The following PLCXD3 variants were observed in gnomAD, a reference collection of about 807,000 sequenced individuals.
The protein encoded by PLCXD3 is PI-PLC X domain-containing protein 3.
Under a neutral mutation model 25.5 loss-of-function variants are expected in PLCXD3, and 19 were observed. The ratio of observed to expected loss-of-function variants is 0.75; its 90% CI spans 0.52 to 1.09. PLCXD3 has a LOEUF of 1.09. Ranked by LOEUF, PLCXD3 falls within the 50% of genes least tolerant of loss-of-function variation. The probability of loss-of-function intolerance (pLI) is 0.00; values close to 1 mark genes in which losing one functional copy is unlikely to be tolerated. For missense variants in PLCXD3, 411 were observed against 388.1 expected (o/e 1.06, Z -0.50); for synonymous variants, 174 against 137.6 (o/e 1.26, Z -1.85).
intron 1 of PLCXD3, among the ~76,000 whole-genome samples, chr5:41,486,747 C>A (rs906013391): frequency 2.0e-5 from 3 of 152,186 alleles, no homozygotes; most frequent in Non-Finnish European, 1.5e-5. Context: ...TGACTACTAA[C>A]TCTGTGATAC....
chr5:41,378,827 G>T (rs1409326870), intron 2 of PLCXD3, among the ~76,000 whole-genome samples: 3 of 151,986 alleles, frequency 2.0e-5, no homozygotes, highest in African/African-American at 7.2e-5. Flanking sequence ...TAGTAGTAGG[G>T]TACTAGAGCA....
At chr5:41,356,235 G>C (rs1263093243) in intron 2 of PLCXD3, among the ~76,000 whole-genome samples, 2 of 152,064 alleles carry the variant, frequency 1.3e-5, no homozygotes, top group African/African-American at 4.8e-5. Flanking sequence ...CACTGCACTC[G>C]AGCCTGGGAG....
chr5:41,376,796 A>G (rs2150490863), intron 2 of PLCXD3, among the ~76,000 whole-genome samples: 1 of 152,246 alleles, frequency 6.6e-6, no homozygotes, highest in Non-Finnish European at 1.5e-5. Flanking sequence ...GCTTGATGGG[A>G]ACAATGGCAA....
intron 2 of PLCXD3, among the ~76,000 whole-genome samples, chr5:41,328,618 G>A (rs1471704382): frequency 6.6e-6 from 1 of 152,136 alleles, no homozygotes; most frequent in African/African-American, 2.4e-5. Context: ...CCTCTGGAAT[G>A]TGAAGCTCTT....
rs1447023340 is a variant in PLCXD3 at position 41,322,850 on chromosome 5, T to C, written c.813-9080A>G. Among the ~76,000 whole-genome samples, 3 of 152,174 alleles carry C rather than the reference T, an allele frequency of 2.0e-5. No individual in the cohort carries two copies. In the South Asian group the frequency reaches 6.2e-4, roughly 32 times the overall value. ...TTAGTTGGGTGTTGTGATGTGCACC[T>C]GTAGTCCCAGCTACTCAGGAGGCTG... On this transcript the variant is annotated intron_variant, in intron 2 of 2. Coordinates refer to ENST00000377801, the MANE Select transcript of PLCXD3 (RefSeq NM_001005473.3).
intron 1 of PLCXD3, among the ~76,000 whole-genome samples, chr5:41,490,486 T>G (rs10078047): frequency 2.0e-5 from 3 of 151,944 alleles, no homozygotes; most frequent in Admixed American, 1.3e-4. Context: ...TTTTCTATTG[T>G]TTGGAATAGT....
At chr5:41,338,111 G>A (rs1213527302) in intron 2 of PLCXD3, among the ~76,000 whole-genome samples, 1 of 152,082 alleles carries the variant, frequency 6.6e-6, no homozygotes, top group Non-Finnish European at 1.5e-5. Flanking sequence ...GTTTAGAAAA[G>A]TCTCAGAGAA....
intron 2 of PLCXD3, among the ~76,000 whole-genome samples, chr5:41,315,511 C>T (rs1743265032): frequency 6.6e-6 from 1 of 152,046 alleles, no homozygotes. Context: ...TCCGCATACC[C>T]CTGCAAGGTC....
chr5:41,440,221 T>G lies in PLCXD3; in HGVS notation c.104-57687A>C, dbSNP rs548040110. ...CAAATTACATAATCTCTCAATTTTT[T>G]TTTTTTTTTTTTTTTTTTTTTTTTT... is the stretch of plus-strand genomic sequence containing the variant. On this transcript the variant is annotated intron_variant, in intron 1 of 2. Coordinates refer to ENST00000377801, the MANE Select transcript of PLCXD3 (RefSeq NM_001005473.3). Among the ~76,000 whole-genome samples the G allele has an allele frequency of 1.6e-3, 124 of 76,064 alleles. 1 individual carries two copies. The highest frequency in any genetic ancestry group is 6.9e-3 in the African/African-American group (120 of 17,364). 49.9% of individuals were successfully genotyped at this position (76,064 alleles called of 152,430 possible).
intron 2 of PLCXD3, among the ~76,000 whole-genome samples, chr5:41,354,828 A>G (rs1368288150): frequency 6.6e-6 from 1 of 152,142 alleles, no homozygotes; most frequent in Non-Finnish European, 1.5e-5. Flanking sequence ...AAATCCTTTA[A>G]TTTGTCTTCA....
chr5:41,466,861 T>C (rs891216631), intron 1 of PLCXD3, among the ~76,000 whole-genome samples: 3 of 152,118 alleles, frequency 2.0e-5, no homozygotes, highest in African/African-American at 2.4e-5. Flanking sequence ...TCAAGATCCA[T>C]CCATACTGTC....
chr5:41,493,786 G>A lies in PLCXD3; in HGVS notation c.103+16638C>T, dbSNP rs113391612. 1.7e-4 allele frequency among the ~76,000 whole-genome samples: 26 copies of A among 152,298 alleles called. 2 individuals carry two copies. Among genetic ancestry groups the A allele is most frequent in the East Asian group, 1.4e-3 (7 of 5,166 alleles). On this transcript the variant is annotated intron_variant, in intron 1 of 2. Coordinates refer to ENST00000377801, the MANE Select transcript of PLCXD3 (RefSeq NM_001005473.3). ...TGGTGCGCCGTTTTTTAAGCCCGTCGGAAAAGCGCAGTATTGGGGTGGGAG... is the reference window on the plus strand; with the variant it reads ...TGGTGCGCCGTTTTTTAAGCCCGTCAGAAAAGCGCAGTATTGGGGTGGGAG...
rs1743130392 is a variant in PLCXD3, at chr5:41,311,240, T to C, written c.*2377A>G. The C allele has an allele frequency of 6.6e-6, 1 of 152,062 alleles. No individual in the cohort carries two copies. The highest frequency in any genetic ancestry group is 2.1e-4 in the South Asian group (1 of 4,826). 9.4% of individuals were successfully genotyped at this position (152,062 alleles called of 1,614,324 possible). ...ACATACATTTCAATAATCCTAATCA[T>C]TTTAAAAGGATTCATATACATTTTC... On this transcript the variant is annotated 3_prime_UTR_variant, in exon 3 of 3. Transcript: ENST00000377801.
At chr5:41,510,365 C>G (rs1739023224) in intron 1 of PLCXD3, 59 bp downstream of exon 1, 1 of 1,421,976 alleles carries the variant, frequency 7.0e-7, no homozygotes. Context: ...GCAGATAAAG[C>G]AGGGCGGGGC....
At chr5:41,436,857 G>A (rs1747266270) in intron 1 of PLCXD3, among the ~76,000 whole-genome samples, 3 of 152,134 alleles carry the variant, frequency 2.0e-5, no homozygotes, top group Admixed American at 2.0e-4. Context: ...TTCAACTAAA[G>A]TTCAGTTATT....
chr5:41,484,763 A>G (rs1434433257), intron 1 of PLCXD3, among the ~76,000 whole-genome samples: 1 of 152,182 alleles, frequency 6.6e-6, no homozygotes, highest in African/African-American at 2.4e-5. Context: ...ACATATGAGA[A>G]AAATAAATTC....
chr5:41,488,805 G>C (rs1157764255), intron 1 of PLCXD3, among the ~76,000 whole-genome samples: 1 of 146,504 alleles, frequency 6.8e-6, no homozygotes, highest in Non-Finnish European at 1.5e-5. Context: ...ATTTGTTTGA[G>C]TTCATTGTAG....
intron 1 of PLCXD3, among the ~76,000 whole-genome samples, chr5:41,407,195 A>C (rs180949461): frequency 5.9e-4 from 90 of 152,294 alleles, no homozygotes; most frequent in Non-Finnish European, 9.8e-4. Context: ...ACTTCAGTAC[A>C]TGGTCCTCTA....
intron 2 of PLCXD3, among the ~76,000 whole-genome samples, chr5:41,334,797 C>G (rs1431466848): frequency 6.6e-6 from 1 of 152,058 alleles, no homozygotes; most frequent in Non-Finnish European, 1.5e-5. Flanking sequence ...GCACTCTGTC[C>G]TCAGGCTCAT....
Sources: allele counts gnomAD v4.1 joint callset (sites outside exome capture counted in the v4.1 genomes callset), GRCh38; gene constraint gnomAD v4.1.1; transcripts MANE v1.5; gene names NCBI Gene and HGNC (gene_info 2026-07-23, HGNC 2026-07-21).